The following GLB1 variants were observed in gnomAD, a reference collection of about 807,000 sequenced individuals.
GLB1 encodes the protein galactosidase beta 1.
A neutral mutation model predicts 74.0 loss-of-function variants in GLB1; 56 were observed. The ratio of observed to expected loss-of-function variants is 0.76; its 90% confidence interval spans 0.61 to 0.94. The LOEUF is 0.94. Ranked by LOEUF, GLB1 falls within the 40% of genes least tolerant of loss-of-function variation. The pLI, the probability that GLB1 is intolerant of heterozygous loss-of-function variation, is 0.00. For missense variants in GLB1, 787 were observed against 845.5 expected (o/e 0.93, Z 0.86); for synonymous variants, 323 against 323.6 (o/e 1.00, Z 0.02).
At chr3:33,058,932 G>A (rs1194255023) in intron 5 of GLB1, among the ~76,000 whole-genome samples, 2 of 152,104 alleles carry the variant, frequency 1.3e-5, no homozygotes, top group African/African-American at 4.8e-5. Flanking sequence ...AATAACATCG[G>A]TGGTTCTCAA....
chr3:33,016,288 G>A (rs1697233009), intron 14 of GLB1, among the ~76,000 whole-genome samples: 1 of 152,164 alleles, frequency 6.6e-6, no homozygotes, highest in Non-Finnish European at 1.5e-5. Context: ...CAAACACAGG[G>A]GAAAGGTTCT....
intron 9 of GLB1, among the ~76,000 whole-genome samples, chr3:33,051,275 TA>T (rs1308363622): frequency 6.7e-6 from 1 of 149,598 alleles, no homozygotes; most frequent in Non-Finnish European, 1.5e-5. Context: ...TATTATTTTT[TA>T]AAATTACATA....
chr3:33,076,123 T>C lies in GLB1; in HGVS notation c.76-3410A>G, dbSNP rs989718271. 6.6e-5 allele frequency among the ~76,000 whole-genome samples: 10 copies of C among 151,642 alleles called. No homozygotes were observed. In the East Asian group the frequency reaches 7.7e-4, roughly 12 times the overall value. On this transcript the variant is annotated intron_variant, in intron 1 of 15. Coordinates refer to ENST00000307363, the MANE Select transcript of GLB1 (RefSeq NM_000404.4). ...ATTGGTCTTGGGAGGAACCCAGACA[T>C]TGGAATTTCTTAAAGCTGCCTAGAT... is the stretch of plus-strand genomic sequence containing the variant.
In GLB1 at chr3:33,046,306, C is replaced by T. The variant is rs1467511450; in HGVS notation, c.956-74G>A. The T allele has an allele frequency of 3.9e-6, 6 of 1,554,362 alleles. No individual in the cohort carries two copies. The African/African-American group carries it at 4.1e-5, about 11-fold the overall frequency. ...GGACAAGTTCTTTGGGATCCATGAG[C>T]TCAGCACTGTAGAGAGAGAAAACTA... On this transcript the variant is annotated intron_variant, in intron 9 of 15. Coordinates refer to ENST00000307363, the MANE Select transcript of GLB1 (RefSeq NM_000404.4).
intron 1 of GLB1, among the ~76,000 whole-genome samples, chr3:33,089,237 G>C (rs933325390): frequency 6.6e-6 from 1 of 152,110 alleles, no homozygotes; most frequent in African/African-American, 2.4e-5. Context: ...ATGATTTCTT[G>C]GATATGATGC....
intron 1 of GLB1, among the ~76,000 whole-genome samples, chr3:33,087,317 C>T (rs549255414): frequency 2.7e-4 from 41 of 152,198 alleles, no homozygotes; most frequent in African/African-American, 7.7e-4. Context: ...CGCCTGTAAT[C>T]CCAGCACTTT....
the GLB1 span, among the ~76,000 whole-genome samples, chr3:32,988,238 C>A: frequency 6.8e-6 from 1 of 146,114 alleles, no homozygotes; most frequent in Non-Finnish European, 1.5e-5. Context: ...GTGCAAAGAC[C>A]AAGGACTTAA....
At chr3:32,969,826 C>T in the GLB1 span, among the ~76,000 whole-genome samples, 2 of 152,258 alleles carry the variant, frequency 1.3e-5, no homozygotes, top group African/African-American at 2.4e-5. Context: ...ACTGCTATTA[C>T]TCGAGCCGTT....
intron 12 of GLB1, chr3:33,021,113 G>GATGTGCT (rs1697455296): frequency 8.0e-6 from 1 of 124,812 alleles, no homozygotes. Flanking sequence ...AAAAAAAAAA[G>GATGTGCT]ATGTGCTCTG....
the GLB1 span, among the ~76,000 whole-genome samples, chr3:32,983,466 A>G: frequency 2.0e-5 from 3 of 152,170 alleles, no homozygotes; most frequent in Admixed American, 6.5e-5. Flanking sequence ...TTGCAAATCT[A>G]TGATGCTTCC....
chr3:33,039,518 C>G (rs556953151), intron 10 of GLB1, among the ~76,000 whole-genome samples: 137 of 152,184 alleles, frequency 9.0e-4, no homozygotes, highest in Middle Eastern at 3.4e-3. Context: ...TTCACTCAGA[C>G]AGTTGAAAAG....
chr3:32,993,489 A>T (rs1463360476), downstream of GLB1, among the ~76,000 whole-genome samples: 1 of 144,856 alleles, frequency 6.9e-6, no homozygotes, highest in African/African-American at 2.6e-5. Flanking sequence ...TTGAGTAGCT[A>T]GGACTACAGG....
chr3:32,979,870 A>AAG, the GLB1 span, among the ~76,000 whole-genome samples: 70 of 137,290 alleles, frequency 5.1e-4, 1 homozygote, highest in South Asian at 1.1e-3. Context: ...AAAAAAAAAA[A>AAG]AAAAAAAAGA....
At chr3:32,995,268 A>G (rs943728693), downstream of GLB1, among the ~76,000 whole-genome samples, 1 of 152,132 alleles carries the variant, frequency 6.6e-6, no homozygotes, top group African/African-American at 2.4e-5. Context: ...GGGAACTGCA[A>G]TTCACCAATG....
chr3:33,016,485 T>C (rs1697240082), intron 14 of GLB1, among the ~76,000 whole-genome samples: 1 of 152,138 alleles, frequency 6.6e-6, no homozygotes, highest in Non-Finnish European at 1.5e-5. Flanking sequence ...GCCTCCTGAG[T>C]AGCTGAGACC....
chr3:32,995,141 T>C (rs919841004), downstream of GLB1, among the ~76,000 whole-genome samples: 1 of 152,152 alleles, frequency 6.6e-6, no homozygotes, highest in Non-Finnish European at 1.5e-5. Flanking sequence ...TATTTGACCT[T>C]ACAGTGTAGT....
the GLB1 span, among the ~76,000 whole-genome samples, chr3:32,970,656 C>T: frequency 2.6e-5 from 4 of 152,126 alleles, no homozygotes; most frequent in Non-Finnish European, 5.9e-5. Flanking sequence ...AGGTGTCACA[C>T]GTTGGATTCA....
the GLB1 span, among the ~76,000 whole-genome samples, chr3:32,976,979 C>T: frequency 2.0e-5 from 3 of 152,116 alleles, no homozygotes; most frequent in Non-Finnish European, 4.4e-5. Context: ...AGTTTTTACA[C>T]ATTAAAGAGG....
chr3:32,993,805 T>C (rs1696263915), downstream of GLB1, among the ~76,000 whole-genome samples: 1 of 151,988 alleles, frequency 6.6e-6, no homozygotes, highest in African/African-American at 2.4e-5. Flanking sequence ...AGTGCTTGGA[T>C]TGCAGGTGTG....
Sources: allele counts gnomAD v4.1 joint callset (sites outside exome capture counted in the v4.1 genomes callset), GRCh38; gene constraint gnomAD v4.1.1; transcripts MANE v1.5; gene names NCBI Gene and HGNC (gene_info 2026-07-23, HGNC 2026-07-21).